The following IL31RA variants were observed in gnomAD, a reference collection of about 807,000 sequenced individuals.
IL31RA encodes interleukin 31 receptor A.
A neutral mutation model predicts 83.7 loss-of-function variants in IL31RA; 66 were observed. The observed-to-expected ratio is 0.79, with a 90% CI of 0.65 to 0.97. The LOEUF (loss-of-function observed/expected upper bound fraction) is 0.97. IL31RA is among the 50% of genes least tolerant of loss of function. The pLI, the probability that IL31RA is intolerant of heterozygous loss-of-function variation, is 0.00. For synonymous variants in IL31RA, 325 were observed against 329.0 expected (o/e 0.99, Z 0.13); for missense variants, 798 against 919.4 (o/e 0.87, Z 1.71).
chr5:55,873,181 TC>T (rs1220584554), intron 4 of IL31RA, among the ~76,000 whole-genome samples: 1 of 152,204 alleles, frequency 6.6e-6, no homozygotes, highest in Non-Finnish European at 1.5e-5. Flanking sequence ...TTATCTAATT[TC>T]TTTCACTTAG....
At chr5:55,864,374 C>A (rs1385447086) in intron 2 of IL31RA, among the ~76,000 whole-genome samples, 4 of 149,580 alleles carry the variant, frequency 2.7e-5, no homozygotes, top group Admixed American at 2.7e-4. Flanking sequence ...ACTACACACA[C>A]ACCACACATA....
At chr5:55,844,946 A>G in the IL31RA span, among the ~76,000 whole-genome samples, 3 of 152,110 alleles carry the variant, frequency 2.0e-5, no homozygotes. Context: ...TTTAACCTCT[A>G]GCATCTCTTT....
intron 5 of IL31RA, among the ~76,000 whole-genome samples, chr5:55,884,087 A>C (rs562989703): frequency 6.6e-6 from 1 of 152,160 alleles, no homozygotes; most frequent in Non-Finnish European, 1.5e-5. Flanking sequence ...TTCTTCTGGA[A>C]GCGCTGATTT....
Position 55,851,623 on chromosome 5 carries a change from C to T in IL31RA, c.53C>T (p.Pro18Leu), listed in dbSNP as rs183626277. The stretch of plus-strand genomic sequence containing the variant: ...ACCACGGCATGTGTCTGTGAATGTC[C>T]GCAAAACATTGTGAGTATTGATTTG... ...FFTTACVCECPQNILSPQPSC... is the reference protein window; with the variant it reads ...FFTTACVCECLQNILSPQPSC... Residue 18 changes from proline (P) to leucine (L), a missense_variant, in exon 1 of 15, where the codon CCG (proline) becomes CTG (leucine). Coordinates refer to ENST00000652347, the MANE Select transcript of IL31RA (RefSeq NM_139017.7). 523 of 1,613,790 alleles carry T rather than the reference C, an allele frequency of 3.2e-4. 4 individuals are homozygous for T. The African/African-American group carries it at 5.3e-3, about 16-fold the overall frequency.
chr5:55,897,907 C>T (rs1387815190), intron 7 of IL31RA, among the ~76,000 whole-genome samples: 1 of 152,180 alleles, frequency 6.6e-6, no homozygotes, highest in African/African-American at 2.4e-5. Context: ...GTTCAAAATC[C>T]TGTTGAAAAT....
chr5:55,840,011 G>T, the IL31RA span: 3 of 507,630 alleles, frequency 5.9e-6, no homozygotes, highest in East Asian at 3.7e-5. Flanking sequence ...CGCCACCTTT[G>T]GTGCCCAACA....
the IL31RA span, among the ~76,000 whole-genome samples, chr5:55,845,820 G>A: frequency 2.0e-5 from 3 of 152,146 alleles, no homozygotes; most frequent in African/African-American, 7.2e-5. Flanking sequence ...TAATACAGCA[G>A]GCCTTGTTAA....
At chr5:55,913,328 GT>G in intron 12 of IL31RA, 148 bp from the exon 13 acceptor site, 3 of 676,182 alleles carry the variant, frequency 4.4e-6, no homozygotes, top group Non-Finnish European at 5.3e-6. Flanking sequence ...CTGACCTGGG[GT>G]TTTTTTAGTG....
intron 2 of IL31RA, among the ~76,000 whole-genome samples, chr5:55,860,226 G>A (rs116310188): frequency 0.014 from 2,181 of 151,996 alleles, 26 homozygotes; most frequent in Non-Finnish European, 0.023. Context: ...AAAATTAACC[G>A]AGTATGGTGG....
intron 13 of IL31RA, among the ~76,000 whole-genome samples, chr5:55,914,195 T>A (rs756945410): frequency 6.6e-6 from 1 of 152,224 alleles, no homozygotes; most frequent in Non-Finnish European, 1.5e-5. Flanking sequence ...TAGACAGTTG[T>A]GAGTCATCTC....
At chr5:55,887,053 T>C (rs543801669) in intron 5 of IL31RA, among the ~76,000 whole-genome samples, 21 of 152,372 alleles carry the variant, frequency 1.4e-4, no homozygotes, top group African/African-American at 4.3e-4. Context: ...TCAATAAATA[T>C]TTGTTTAAAT....
chr5:55,867,171 G>GTGTGTT (rs1554085230), intron 2 of IL31RA, among the ~76,000 whole-genome samples: 1,923 of 70,724 alleles, frequency 0.027, 182 homozygotes, highest in Non-Finnish European at 0.03. Flanking sequence ...GTGTGTGCAT[G>GTGTGTT]TGTGTGTGCA....
At chr5:55,869,467 G>T (rs879841826) in intron 3 of IL31RA, among the ~76,000 whole-genome samples, 23 of 151,790 alleles carry the variant, frequency 1.5e-4, no homozygotes, top group Non-Finnish European at 3.1e-4. Context: ...GTAAATATTT[G>T]CAGGTTAAAA....
At chr5:55,867,171 G>GTGTGTGCATGTGTGTT (rs1554085231) in intron 2 of IL31RA, among the ~76,000 whole-genome samples, 117 of 70,740 alleles carry the variant, frequency 1.7e-3, no homozygotes, top group African/African-American at 6.3e-3. Context: ...GTGTGTGCAT[G>GTGTGTGCATGTGTGTT]TGTGTGTGCA....
chr5:55,897,518 GC>G (rs1423044848), intron 7 of IL31RA, among the ~76,000 whole-genome samples: 1 of 152,198 alleles, frequency 6.6e-6, no homozygotes, highest in East Asian at 1.9e-4. Context: ...ATCAGGGTCA[GC>G]TTGCTGGTGT....
At chr5:55,852,294 C>G (rs1031218947) in intron 1 of IL31RA, 1 of 152,372 alleles carries the variant, frequency 6.6e-6, no homozygotes, top group Non-Finnish European at 1.5e-5. Context: ...CTCAGCCTCC[C>G]GAGTAGCTGG....
intron 12 of IL31RA, 51 bp downstream of exon 12, chr5:55,910,723 A>G (rs1749456162): frequency 2.5e-6 from 4 of 1,599,576 alleles, no homozygotes; most frequent in Non-Finnish European, 3.4e-6. Context: ...TTTACCTTAC[A>G]TCAGAGAGAA....
chr5:55,853,556 T>C (rs1164951372), intron 1 of IL31RA: 2 of 1,551,030 alleles, frequency 1.3e-6, no homozygotes, highest in South Asian at 2.4e-5. Flanking sequence ...GAACATCCCC[T>C]GATACATGAA....
Position 55,900,132 on chromosome 5 carries a change from T to A in IL31RA, c.1069T>A (p.Ser357Thr), listed in dbSNP as rs770849088. 8.1e-6 allele frequency: 13 copies of A among 1,604,990 alleles called. No homozygotes were observed. Among genetic ancestry groups the A allele is most frequent in the Middle Eastern group, 1.7e-4 (1 of 6,040 alleles). The change falls in exon 8 of 15, where the codon TCA becomes ACA. Residue 357 changes from serine (S) to threonine (T), a missense_variant and splice_region_variant. Transcript: ENST00000652347. ...GAGGATTCCAGCTATTCAAGAAAAATGTAAGTAGAGCATCAACTTCTTCCT... is the reference window on the plus strand; with the variant it reads ...GAGGATTCCAGCTATTCAAGAAAAAAGTAAGTAGAGCATCAACTTCTTCCT... ...TLRIPAIQEK[S>T]FQCIEVMQAC...
Sources: gnomAD v4.1 joint callset for allele counts (sites outside exome capture counted in the v4.1 genomes callset) on GRCh38, gnomAD v4.1.1 for gene constraint, MANE v1.5 for transcripts, NCBI Gene and HGNC (gene_info 2026-07-23, HGNC 2026-07-21) for gene names.